Variants in PCDHGB7 observed in about 807,000 individuals in gnomAD.
The protein encoded by PCDHGB7 is protocadherin gamma-B7.
PCDHGB7 carries 37 observed loss-of-function variants against 61.4 expected under a neutral mutation model. The observed-to-expected ratio is 0.60, with a 90% CI of 0.46 to 0.79. PCDHGB7 has a LOEUF of 0.79. PCDHGB7 is among the 30% of genes least tolerant of loss of function. PCDHGB7 has a pLI of 0.00. For missense variants in PCDHGB7, 1,166 were observed against 1,202.5 expected (o/e 0.97, Z 0.45); for synonymous variants, 464 against 503.5 (o/e 0.92, Z 1.05).
chr5:141,477,819 T>C lies in PCDHGB7; in HGVS notation c.2416-16988T>C. 1.9e-6 allele frequency: 3 copies of C among 1,614,138 alleles called. No individual in the cohort carries two copies. The highest frequency in any genetic ancestry group is 2.5e-6 in the Non-Finnish European group (3 of 1,180,030). On this transcript the variant is annotated intron_variant, in intron 1 of 3. Transcript: ENST00000398594. The surrounding 1 kb of genome is among the most constrained non-coding windows in gnomAD (Gnocchi z 4.9). ...CGCAATGACAATGCCCCCCAGGTCC[T>C]ATATCCTCGGCCAGGTGGGAGCTCG...
Position 141,432,201 on chromosome 5 carries a change from G to T in PCDHGB7, c.2415+11927G>T, listed in dbSNP as rs761075658. On this transcript the variant is annotated intron_variant, in intron 1 of 3. Transcript: ENST00000398594. This position sits in a 1 kb window ranked among gnomAD's most constrained non-coding sequence, Gnocchi z 6.0. ...TCTGTGACCGCCCACGACCCCGACT[G>T]TGAAGAGAACGCCCAGATCACTTAT... 1.8e-5 allele frequency: 29 copies of T among 1,614,092 alleles called. No homozygotes were observed. The South Asian group carries it at 2.9e-4, about 16-fold the overall frequency.
At chr5:141,430,448 G>T in intron 1 of PCDHGB7, 1 of 192,294 alleles carries the variant, frequency 5.2e-6, no homozygotes. Flanking sequence ...ATCCCCTTTT[G>T]AAGAACAGTA....
rs2099403992 is a variant in PCDHGB7, at chr5:141,477,030, C to T, written c.2416-17777C>T. On this transcript the variant is annotated intron_variant, in intron 1 of 3. Transcript: ENST00000398594. This position sits in a 1 kb window ranked among gnomAD's most constrained non-coding sequence, Gnocchi z 4.9. ...TTAGACCTTGTAACCGGGATGCTGACAATCAAGGGTCGGCTGGACTTCGAG... is the reference window on the plus strand; with the variant it reads ...TTAGACCTTGTAACCGGGATGCTGATAATCAAGGGTCGGCTGGACTTCGAG... The T allele has an allele frequency of 1.2e-6, 2 of 1,614,272 alleles. No homozygotes were observed. The highest frequency in any genetic ancestry group is 1.6e-4 in the Middle Eastern group (1 of 6,062).
At chr5:141,478,712 G>T in intron 1 of PCDHGB7, 1 of 1,547,046 alleles carries the variant, frequency 6.5e-7, no homozygotes, top group Non-Finnish European at 8.7e-7. Flanking sequence ...TTTGTGAGAT[G>T]GTGGCCTGCC....
At position 141,431,192 on chromosome 5, in the gene PCDHGB7, A is replaced by T. The variant is rs769745353; in HGVS notation, c.2415+10918A>T. 8.7e-6 allele frequency: 14 copies of T among 1,614,042 alleles called. No homozygotes were observed. Among genetic ancestry groups the T allele is most frequent in the African/African-American group, 2.7e-5 (2 of 74,912 alleles). On this transcript the variant is annotated intron_variant, in intron 1 of 3. Coordinates refer to ENST00000398594, the MANE Select transcript of PCDHGB7 (RefSeq NM_018927.4). This position sits in a 1 kb window ranked among gnomAD's most constrained non-coding sequence, Gnocchi z 4.8. ...TGAATTAGAAATAAAAATTAGTGAA[A>T]ATGCAGCCACTGAGATGCGGTTCCC...
chr5:141,447,449 C>A (rs2098539583), intron 1 of PCDHGB7, among the ~76,000 whole-genome samples: 1 of 152,058 alleles, frequency 6.6e-6, no homozygotes, highest in Non-Finnish European at 1.5e-5. Flanking sequence ...AAATTTTTAA[C>A]CTCAGTTTTT....
intron 3 of PCDHGB7, among the ~76,000 whole-genome samples, chr5:141,509,381 C>T (rs181928019): frequency 6.6e-6 from 1 of 152,256 alleles, no homozygotes; most frequent in East Asian, 1.9e-4. Flanking sequence ...TGTCTCCTAA[C>T]CACAGAGGAT....
intron 2 of PCDHGB7, among the ~76,000 whole-genome samples, chr5:141,495,587 C>T (rs1391263118): frequency 6.6e-6 from 1 of 152,238 alleles, no homozygotes. Context: ...TTCTCCATCT[C>T]TGTCTTAGCT....
At chr5:141,461,131 T>G (rs1372557827) in intron 1 of PCDHGB7, among the ~76,000 whole-genome samples, 1 of 152,094 alleles carries the variant, frequency 6.6e-6, no homozygotes, top group Non-Finnish European at 1.5e-5. Flanking sequence ...TATAATTACT[T>G]ATTTTCCTTT....
At chr5:141,425,957 C>A (rs1317696447) in intron 1 of PCDHGB7, among the ~76,000 whole-genome samples, 1 of 152,140 alleles carries the variant, frequency 6.6e-6, no homozygotes, top group Non-Finnish European at 1.5e-5. Context: ...TACATTAGTC[C>A]AACACATCAG....
chr5:141,428,121 G>A (rs764584436), intron 1 of PCDHGB7: 2 of 1,605,742 alleles, frequency 1.2e-6, no homozygotes, highest in Admixed American at 1.7e-5. Flanking sequence ...CATCGAGCCC[G>A]GGCTTTTCAG....
intron 1 of PCDHGB7, among the ~76,000 whole-genome samples, chr5:141,437,526 G>A (rs1199002765): frequency 1.3e-5 from 2 of 152,160 alleles, no homozygotes; most frequent in East Asian, 3.8e-4. Context: ...GATGACAAAT[G>A]AGCAAATTGT....
At chr5:141,428,105 G>T in intron 1 of PCDHGB7, 4 of 1,608,184 alleles carry the variant, frequency 2.5e-6, no homozygotes, top group Non-Finnish European at 2.5e-6. Context: ...ACCACGTGCT[G>T]CAGGCCATCG....
intron 1 of PCDHGB7, chr5:141,478,565 T>C (rs772519746): frequency 1.6e-5 from 25 of 1,593,862 alleles, no homozygotes; most frequent in Non-Finnish European, 2.0e-5. Flanking sequence ...TAGCAAGTCA[T>C]GCTTGACCCT....
At chr5:141,423,707 G>A in intron 1 of PCDHGB7, 1 of 1,164,238 alleles carries the variant, frequency 8.6e-7, no homozygotes, top group Non-Finnish European at 1.1e-6. Flanking sequence ...CTTGGCACAA[G>A]TCTTTTAAGG....
chr5:141,509,027 A>G (rs1409179803), intron 3 of PCDHGB7, among the ~76,000 whole-genome samples: 1 of 151,700 alleles, frequency 6.6e-6, no homozygotes, highest in Non-Finnish European at 1.5e-5. Flanking sequence ...GCTCCCTCCC[A>G]CTCAACCCCT....
intron 1 of PCDHGB7, among the ~76,000 whole-genome samples, chr5:141,452,585 G>A (rs1310395736): frequency 6.6e-6 from 1 of 151,984 alleles, no homozygotes; most frequent in Non-Finnish European, 1.5e-5. Context: ...TTCCATCTTT[G>A]TATTTTTATT....
intron 1 of PCDHGB7, among the ~76,000 whole-genome samples, chr5:141,448,146 C>G (rs1375402473): frequency 6.6e-6 from 1 of 151,942 alleles, no homozygotes; most frequent in Non-Finnish European, 1.5e-5. Flanking sequence ...ATACCTCAGA[C>G]TCACCCCTGA....
chr5:141,486,401 G>T lies in PCDHGB7; in HGVS notation c.2416-8406G>T. 6.2e-7 allele frequency: 1 copy of T among 1,614,174 alleles called. No individual in the cohort carries two copies. On this transcript the variant is annotated intron_variant, in intron 1 of 3. Transcript: ENST00000398594. The surrounding 1 kb of genome is among the most constrained non-coding windows in gnomAD (Gnocchi z 5.0). ...CAGGAACCAGTTCTCCCTGGTGACT[G>T]CTGGACCCTTGGATCGAGAGGCCAA...
Sources: gnomAD v4.1 joint callset for allele counts (sites outside exome capture counted in the v4.1 genomes callset) on GRCh38, gnomAD v4.1.1 for gene constraint, Gnocchi (gnomAD v3.1) non-coding constraint, MANE v1.5 for transcripts, NCBI Gene and HGNC (gene_info 2026-07-23, HGNC 2026-07-21) for gene names.